The following WWTR1 variants were observed in gnomAD, a reference collection of about 807,000 sequenced individuals.
WWTR1 encodes WW domain containing transcription regulator 1.
WWTR1 carries 13 observed loss-of-function variants against 40.1 expected under a neutral mutation model. That is an observed-to-expected ratio of 0.32 (90% CI 0.21 to 0.52). The LOEUF is 0.52. Among genes scored for constraint, WWTR1 ranks in the 20% least tolerant of loss-of-function variants. WWTR1 has a pLI of 0.97. For synonymous variants in WWTR1, 230 were observed against 210.1 expected, an observed-to-expected ratio of 1.09 and a Z score of -0.82; for missense variants, 436 against 523.1, an observed-to-expected ratio of 0.83 and a Z score of 1.63.
rs536375554 is a variant in WWTR1, at chr3:149,631,311, T to A, written c.431+25565A>T. Among the ~76,000 whole-genome samples, 126 of 152,328 alleles carry A rather than the reference T, an allele frequency of 8.3e-4. 2 individuals carry two copies. In the South Asian group the frequency reaches 0.024, roughly 29 times the overall value. On this transcript the variant is annotated intron_variant, in intron 2 of 6. Coordinates refer to ENST00000360632, the MANE Select transcript of WWTR1 (RefSeq NM_015472.6). ...CCTCCTTACTTTAAAATAATTTTTT[T>A]AAGTTGTTACTCTGGGTGTAGAGAG...
chr3:149,601,487 C>T (rs890139934), intron 2 of WWTR1, among the ~76,000 whole-genome samples: 5 of 152,164 alleles, frequency 3.3e-5, no homozygotes, highest in African/African-American at 1.2e-4. Context: ...CATGAGGCAC[C>T]ACACCCAGCC....
At chr3:149,704,162 T>G (rs1484022898), upstream of WWTR1, among the ~76,000 whole-genome samples, 2 of 152,124 alleles carry the variant, frequency 1.3e-5, no homozygotes, top group Non-Finnish European at 2.9e-5. Flanking sequence ...TTTTTAAAAA[T>G]GCTGATTAAA....
At chr3:149,644,153 C>CATT (rs1354123541) in intron 2 of WWTR1, among the ~76,000 whole-genome samples, 1 of 152,174 alleles carries the variant, frequency 6.6e-6, no homozygotes, top group Non-Finnish European at 1.5e-5. Flanking sequence ...CCAGCCCTGA[C>CATT]ATTATACAGC....
chr3:149,664,670 C>G (rs1159771690), intron 2 of WWTR1, among the ~76,000 whole-genome samples: 1 of 151,548 alleles, frequency 6.6e-6, no homozygotes, highest in African/African-American at 2.4e-5. Context: ...CTCACCGCAA[C>G]CTCCACCTCC....
At chr3:149,670,359 G>A (rs144896603) in intron 1 of WWTR1, among the ~76,000 whole-genome samples, 180 of 152,290 alleles carry the variant, frequency 1.2e-3, no homozygotes, top group Non-Finnish European at 2.3e-3. Flanking sequence ...AATCTTAGAA[G>A]AGGGCGATTA....
intron 1 of WWTR1, among the ~76,000 whole-genome samples, chr3:149,694,674 G>T (rs1714924392): frequency 6.6e-6 from 1 of 152,180 alleles, no homozygotes; most frequent in African/African-American, 2.4e-5. Flanking sequence ...AGGCAATAAT[G>T]CAAGGATGCA....
At chr3:149,695,559 G>A (rs933562781) in intron 1 of WWTR1, among the ~76,000 whole-genome samples, 2 of 151,762 alleles carry the variant, frequency 1.3e-5, no homozygotes, top group Non-Finnish European at 2.9e-5. Flanking sequence ...TCAGGAGTTT[G>A]AGATCAGCCT....
At chr3:149,628,283 T>C (rs1740674902) in intron 2 of WWTR1, among the ~76,000 whole-genome samples, 1 of 152,076 alleles carries the variant, frequency 6.6e-6, no homozygotes, top group South Asian at 2.1e-4. Context: ...GGCAGGAGAA[T>C]GGTGTGGACC....
intron 2 of WWTR1, among the ~76,000 whole-genome samples, chr3:149,654,128 T>A (rs1177314081): frequency 6.8e-4 from 101 of 148,742 alleles, no homozygotes; most frequent in African/African-American, 2.4e-3. Context: ...ATAAAAAAAT[T>A]AAAAAAAAAA....
chr3:149,595,910 G>A (rs1352376160), intron 2 of WWTR1, among the ~76,000 whole-genome samples: 1 of 152,094 alleles, frequency 6.6e-6, no homozygotes, highest in Non-Finnish European at 1.5e-5. Flanking sequence ...GCACGCACCT[G>A]TAATCCCAGC....
intron 2 of WWTR1, among the ~76,000 whole-genome samples, chr3:149,650,352 C>A (rs1271721564): frequency 6.6e-6 from 1 of 152,178 alleles, no homozygotes; most frequent in East Asian, 1.9e-4. Context: ...GTTCTAATCC[C>A]ATCTCTGCCA....
rs79458674 is a variant in WWTR1, at chr3:149,689,414, G to C, written c.-108+13710C>G. On this transcript the variant is annotated intron_variant, in intron 1 of 7. Coordinates refer to the WWTR1 transcript ENST00000465804. ...AAAAAAAAAAAAAGCAAAGAAGACA[G>C]AAAAAAAAAAAGAATAACCCAAATA... Among the ~76,000 whole-genome samples the C allele has an allele frequency of 7.4e-3, 813 of 109,540 alleles. 11 individuals carry two copies. Among genetic ancestry groups the C allele is most frequent in the African/African-American group, 0.027 (780 of 28,416 alleles). The allele number at this position is 109,540 out of a possible 152,430, so 71.9% of individuals were successfully genotyped here.
Position 149,572,937 on chromosome 3 carries a change from A to G in WWTR1, c.495T>C (p.His165=). The G allele has an allele frequency of 1.2e-6, 2 of 1,613,784 alleles. No individual in the cohort carries two copies. The highest frequency in any genetic ancestry group is 1.7e-6 in the Non-Finnish European group (2 of 1,179,952). Residue 165 remains histidine, a synonymous_variant, in exon 3 of 7, where the codon CAT becomes CAC. Coordinates refer to ENST00000360632, the MANE Select transcript of WWTR1 (RefSeq NM_015472.6). ...PRKAMNQPLN[H]MNLHPAVSST... ...AACTGACGGCAGGGTGGAGGTTCAT[A>G]TGATTCAGAGGCTGATTCATCGCCT...
At chr3:149,551,884 T>C (rs999168525) in intron 3 of WWTR1, among the ~76,000 whole-genome samples, 1 of 146,022 alleles carries the variant, frequency 6.8e-6, no homozygotes, top group African/African-American at 2.6e-5. Context: ...CAGTGTGTCC[T>C]CCTTGGATTA....
At chr3:149,644,805 A>C (rs9859433) in intron 2 of WWTR1, among the ~76,000 whole-genome samples, 1 of 151,982 alleles carries the variant, frequency 6.6e-6, no homozygotes, top group Non-Finnish European at 1.5e-5. Flanking sequence ...TTGGGGTTGC[A>C]GGGTGGTGGT....
At chr3:149,622,502 GAAGAAAGAAAGAAAGAAAGA>G (rs60148340) in intron 2 of WWTR1, among the ~76,000 whole-genome samples, 4 of 46,328 alleles carry the variant, frequency 8.6e-5, no homozygotes, top group Non-Finnish European at 1.3e-4. Flanking sequence ...AGGAAGGAAG[GAAGAAAGAAAGAAAGAAAGA>G]AAGAAAGAAA....
intron 2 of WWTR1, among the ~76,000 whole-genome samples, chr3:149,595,667 C>T (rs147464816): frequency 2.0e-4 from 31 of 152,224 alleles, no homozygotes; most frequent in African/African-American, 5.5e-4. Flanking sequence ...ATCCTTCCTA[C>T]TTGGTTCAAG....
chr3:149,659,048 G>A (rs1713435950), upstream of WWTR1, among the ~76,000 whole-genome samples: 1 of 152,176 alleles, frequency 6.6e-6, no homozygotes, highest in African/African-American at 2.4e-5. Flanking sequence ...GTCAAGTCTG[G>A]CGAAACAGCT....
chr3:149,567,863 C>T (rs1560064061), intron 3 of WWTR1, among the ~76,000 whole-genome samples: 1 of 152,150 alleles, frequency 6.6e-6, no homozygotes, highest in Non-Finnish European at 1.5e-5. Flanking sequence ...TCAAGTTCTT[C>T]CAAAACAGTC....
Sources: allele counts gnomAD v4.1 joint callset (sites outside exome capture counted in the v4.1 genomes callset), GRCh38; gene constraint gnomAD v4.1.1; transcripts MANE v1.5; gene names NCBI Gene and HGNC (gene_info 2026-07-23, HGNC 2026-07-21).